The following RBFOX1 variants were observed in gnomAD, a reference collection of about 807,000 sequenced individuals.
RBFOX1 encodes the protein RNA binding fox-1 homolog 1.
A neutral mutation model predicts 57.7 loss-of-function variants in RBFOX1; 8 were observed. The observed-to-expected ratio is 0.14, with a 90% CI of 0.08 to 0.25. The LOEUF is 0.25. Among genes scored for constraint, RBFOX1 ranks in the 10% least tolerant of loss-of-function variants. The pLI is 1.00. For missense variants in RBFOX1, 611 were observed against 548.5 expected, an observed-to-expected ratio of 1.11 and a Z score of -1.14; for synonymous variants, 326 against 222.4, an observed-to-expected ratio of 1.47 and a Z score of -4.15.
chr16:6,952,096 G>T lies in RBFOX1; in HGVS notation c.-15-99961G>T, dbSNP rs9923653. ...CATGTACCTTTATCTTTCTGAAAAC[G>T]ATTGCTTTGTTCCTTCATTTAATAT... On this transcript the variant is annotated intron_variant, in intron 3 of 15. Transcript: ENST00000550418. Among the ~76,000 whole-genome samples, 678 of 152,250 alleles carry T rather than the reference G, an allele frequency of 4.5e-3. 9 individuals carry two copies. The highest frequency in any genetic ancestry group is 0.015 in the African/African-American group (638 of 41,550).
intron 4 of RBFOX1, among the ~76,000 whole-genome samples, chr16:5,879,706 T>A (rs770249746): frequency 5.9e-5 from 9 of 152,204 alleles, no homozygotes; most frequent in Non-Finnish European, 1.0e-4. Context: ...GAAATCTCAA[T>A]GGCCTACCCA....
chr16:6,878,267 T>G (rs2062213334), intron 3 of RBFOX1, among the ~76,000 whole-genome samples: 1 of 152,186 alleles, frequency 6.6e-6, no homozygotes. Context: ...TCTTGTGATT[T>G]GAGTGAGGCC....
intron 5 of RBFOX1, among the ~76,000 whole-genome samples, chr16:7,531,976 A>G (rs1039468946): frequency 3.3e-5 from 5 of 152,148 alleles, no homozygotes; most frequent in African/African-American, 1.2e-4. Context: ...CAAGCTCACA[A>G]GAGGAAGCCT....
At chr16:7,356,521 C>A (rs1021825884) in intron 4 of RBFOX1, among the ~76,000 whole-genome samples, 1 of 151,954 alleles carries the variant, frequency 6.6e-6, no homozygotes, top group Non-Finnish European at 1.5e-5. Flanking sequence ...GAAATGATGT[C>A]GGGTGGTAGG....
At chr16:5,395,311 C>A (rs1468128539) in intron 1 of RBFOX1, among the ~76,000 whole-genome samples, 1 of 152,244 alleles carries the variant, frequency 6.6e-6, no homozygotes, top group Admixed American at 6.5e-5. Flanking sequence ...TTCGTACATT[C>A]TTCTGTTAGA....
At chr16:7,304,704 G>C (rs913613967) in intron 4 of RBFOX1, among the ~76,000 whole-genome samples, 1 of 152,164 alleles carries the variant, frequency 6.6e-6, no homozygotes, top group Non-Finnish European at 1.5e-5. Context: ...AAAACCGCCT[G>C]ATGCCCAGCC....
At position 6,988,511 on chromosome 16, in the gene RBFOX1, T is replaced by G. The variant is rs948043957; in HGVS notation, c.-15-63546T>G. On this transcript the variant is annotated intron_variant, in intron 3 of 15. Transcript: ENST00000550418. ...ATTGGGCTAAATATATTTTTAAAAT[T>G]AGTCTTACCTGTTTTATTTTTTCTT... Among the ~76,000 whole-genome samples, 11 of 152,132 alleles carry G rather than the reference T, an allele frequency of 7.2e-5. No individual in the cohort carries two copies. In the East Asian group the frequency reaches 2.1e-3, roughly 29 times the overall value.
chr16:7,156,781 C>T (rs773106598), intron 4 of RBFOX1, among the ~76,000 whole-genome samples: 105 of 152,236 alleles, frequency 6.9e-4, no homozygotes, highest in Admixed American at 1.3e-3. Flanking sequence ...AACACTGCAT[C>T]TGTGTATACT....
At chr16:7,040,794 A>T (rs1301027175) in intron 3 of RBFOX1, among the ~76,000 whole-genome samples, 1 of 152,230 alleles carries the variant, frequency 6.6e-6, no homozygotes, top group Non-Finnish European at 1.5e-5. Context: ...TTCATTTTCT[A>T]ATGGATTCAT....
intron 3 of RBFOX1, among the ~76,000 whole-genome samples, chr16:6,907,227 A>C (rs144915761): frequency 6.6e-6 from 1 of 152,202 alleles, no homozygotes; most frequent in Non-Finnish European, 1.5e-5. Flanking sequence ...TAAATATCCT[A>C]CAGTGCGCAG....
chr16:7,701,492 C>A lies in RBFOX1; in HGVS notation c.996-7564C>A, dbSNP rs182610614. Among the ~76,000 whole-genome samples, 8 of 152,308 alleles carry A rather than the reference C, an allele frequency of 5.3e-5. No individual in the cohort carries two copies. The South Asian group carries it at 8.3e-4, about 16-fold the overall frequency. On this transcript the variant is annotated intron_variant, in intron 14 of 15. Coordinates refer to ENST00000550418, the MANE Select transcript of RBFOX1 (RefSeq NM_018723.4). ...TTTTGAGAATCTAATGCCTGATGAT[C>A]TGAAGTGGAACAGTTTTTTTTCCTG...
intron 4 of RBFOX1, among the ~76,000 whole-genome samples, chr16:7,445,143 C>T (rs1290153592): frequency 6.6e-6 from 1 of 151,816 alleles, no homozygotes; most frequent in Non-Finnish European, 1.5e-5. Context: ...GGGGATAGTC[C>T]CTTTTAAAGG....
At chr16:6,501,864 C>G (rs1325181671) in intron 2 of RBFOX1, among the ~76,000 whole-genome samples, 2 of 152,196 alleles carry the variant, frequency 1.3e-5, no homozygotes, top group Admixed American at 6.5e-5. Flanking sequence ...TAGGACGTGT[C>G]TTCCACTCTG....
intron 4 of RBFOX1, among the ~76,000 whole-genome samples, chr16:7,105,419 C>A (rs888407828): frequency 6.6e-6 from 1 of 151,496 alleles, no homozygotes; most frequent in Non-Finnish European, 1.5e-5. Flanking sequence ...GATTTTGGTA[C>A]ACCCATCACT....
chr16:7,612,320 C>CAAAAAA (rs60248765), intron 10 of RBFOX1, among the ~76,000 whole-genome samples: 42 of 71,436 alleles, frequency 5.9e-4, no homozygotes, highest in African/African-American at 7.8e-4. Flanking sequence ...GACTCCATCT[C>CAAAAAA]AAAAAAAAAA....
intron 4 of RBFOX1, chr16:7,422,740 A>C (rs948557407): frequency 6.6e-6 from 1 of 152,018 alleles, no homozygotes; most frequent in Non-Finnish European, 1.5e-5. Context: ...CTCCCCTCCC[A>C]TGTGTAGCGC....
intron 1 of RBFOX1, among the ~76,000 whole-genome samples, chr16:5,294,571 C>G (rs1195954702): frequency 2.6e-5 from 4 of 152,182 alleles, no homozygotes; most frequent in Non-Finnish European, 4.4e-5. Context: ...CTCTGACCTG[C>G]CAAGTCAGAA....
intron 3 of RBFOX1, among the ~76,000 whole-genome samples, chr16:5,733,300 C>T (rs911782059): frequency 2.7e-4 from 41 of 152,138 alleles, no homozygotes; most frequent in Admixed American, 2.1e-3. Context: ...ACAAAGACCT[C>T]GTAAACGCTA....
intron 4 of RBFOX1, among the ~76,000 whole-genome samples, chr16:7,191,867 C>T (rs947151144): frequency 1.3e-5 from 2 of 152,178 alleles, no homozygotes; most frequent in Non-Finnish European, 2.9e-5. Context: ...CACCAGGCAA[C>T]TTTGAGGCAG....
Sources: allele counts gnomAD v4.1 joint callset (sites outside exome capture counted in the v4.1 genomes callset), GRCh38; gene constraint gnomAD v4.1.1; transcripts MANE v1.5; gene names NCBI Gene and HGNC (gene_info 2026-07-23, HGNC 2026-07-21).